Variants in OSBPL3 observed in about 807,000 individuals in gnomAD.
OSBPL3 encodes the protein oxysterol binding protein like 3.
In OSBPL3, 65 loss-of-function variants were observed where a neutral mutation model predicts 120.1. The ratio of observed to expected loss-of-function variants is 0.54; its 90% CI spans 0.44 to 0.67. OSBPL3 has a LOEUF of 0.67. OSBPL3 is among the 30% of genes least tolerant of loss of function. OSBPL3 has a pLI of 0.00. For missense variants in OSBPL3, 1,004 were observed against 1,082.1 expected (o/e 0.93, Z 1.01); for synonymous variants, 416 against 402.6 (o/e 1.03, Z -0.40).
chr7:24,896,598 T>C lies in OSBPL3; in HGVS notation c.-149-3977A>G, dbSNP rs1396395413. Among the ~76,000 whole-genome samples the C allele has an allele frequency of 6.6e-6, 1 of 152,172 alleles. No homozygotes were observed. Among genetic ancestry groups the C allele is most frequent in the Admixed American group, 6.5e-5 (1 of 15,274 alleles). Reference sequence around the variant, plus strand: ...TTTCACTTAGAAAAGATAACACAATTTGGGAAAAGATGTAAAGGTGACATC... The same window carrying C: ...TTTCACTTAGAAAAGATAACACAATCTGGGAAAAGATGTAAAGGTGACATC... On this transcript the variant is annotated intron_variant, in intron 1 of 22. Transcript: ENST00000313367. The surrounding 1 kb of genome is among the most constrained non-coding windows in gnomAD (Gnocchi z 4.4).
At chr7:24,917,617 C>T (rs1398770867) in intron 1 of OSBPL3, among the ~76,000 whole-genome samples, 1 of 151,638 alleles carries the variant, frequency 6.6e-6, no homozygotes, top group African/African-American at 2.4e-5. Context: ...TTCTTAGAAA[C>T]AGCAACTCAA....
At chr7:24,870,694 A>G in intron 5 of OSBPL3, 38 bp downstream of exon 5, 1 of 1,262,466 alleles carries the variant, frequency 7.9e-7, no homozygotes, top group Non-Finnish European at 1.2e-6. Context: ...ATACTTCCCC[A>G]ACATAAGTGA....
At chr7:24,816,555 C>T in intron 18 of OSBPL3, 55 bp downstream of exon 18, 1 of 1,289,228 alleles carries the variant, frequency 7.8e-7, no homozygotes. Flanking sequence ...GTCCCCAAAG[C>T]AAAATCTTGG....
chr7:24,886,086 A>G (rs1031921878), intron 2 of OSBPL3, among the ~76,000 whole-genome samples: 2 of 152,236 alleles, frequency 1.3e-5, no homozygotes, highest in African/African-American at 4.8e-5. Flanking sequence ...CTTTCTACTA[A>G]GCAACTGCAT....
At position 24,806,491 on chromosome 7, in the gene OSBPL3, C is replaced by CT. The variant is rs1793057724; in HGVS notation, c.2444+284dup. On this transcript the variant is annotated intron_variant, in intron 21 of 22. Transcript: ENST00000313367. The surrounding 1 kb of genome is among the most constrained non-coding windows in gnomAD (Gnocchi z 5.2). The stretch of plus-strand genomic sequence containing the variant: ...GAGGTTTTAACTTACTTACTTTACA[C>CT]TAAGTTCTTTATTACTGCATGCAGT... Among the ~76,000 whole-genome samples the CT allele has an allele frequency of 6.6e-6, 1 of 152,156 alleles. No homozygotes were observed. Among genetic ancestry groups the CT allele is most frequent in the Non-Finnish European group, 1.5e-5 (1 of 68,036 alleles).
At chr7:24,890,033 C>T (rs116407742) in intron 2 of OSBPL3, among the ~76,000 whole-genome samples, 3,256 of 152,106 alleles carry the variant, frequency 0.021, 120 homozygotes, top group African/African-American at 0.075. Context: ...TCAGGGTGAG[C>T]GCAGAGAAAG....
intron 16 of OSBPL3, among the ~76,000 whole-genome samples, chr7:24,828,606 G>GAAAAAAGAAAAAAAAAA (rs1491571662): frequency 1.5e-4 from 5 of 32,550 alleles, no homozygotes; most frequent in Non-Finnish European, 2.1e-4. Flanking sequence ...GACTCTGTCT[G>GAAAAAAGAAAAAAAAAA]AAAAAAAAAA....
intron 10 of OSBPL3, among the ~76,000 whole-genome samples, chr7:24,853,698 C>A (rs1016112012): frequency 2.0e-5 from 3 of 151,976 alleles, no homozygotes; most frequent in Non-Finnish European, 2.9e-5. Context: ...AAGTATAAAG[C>A]CATAAAGAAC....
chr7:24,955,962 T>C lies in OSBPL3; in HGVS notation c.-150+23924A>G, dbSNP rs987703131. ...TCTTGGTCCTGCTGAGGAAACCCTATGAGTTTCTCATTTGTAGCTATGAGA... is the reference window on the plus strand; with the variant it reads ...TCTTGGTCCTGCTGAGGAAACCCTACGAGTTTCTCATTTGTAGCTATGAGA... On this transcript the variant is annotated intron_variant, in intron 1 of 22. Transcript: ENST00000313367. This position sits in a 1 kb window ranked among gnomAD's most constrained non-coding sequence, Gnocchi z 4.3. Among the ~76,000 whole-genome samples, 8 of 152,250 alleles carry C rather than the reference T, an allele frequency of 5.3e-5. No individual in the cohort carries two copies. The highest frequency in any genetic ancestry group is 8.8e-5 in the Non-Finnish European group (6 of 68,044).
At position 24,881,987 on chromosome 7, in the gene OSBPL3, A is replaced by T. The variant is rs1312667115; in HGVS notation, c.97-9918T>A. Among the ~76,000 whole-genome samples the T allele has an allele frequency of 6.6e-6, 1 of 152,168 alleles. No individual in the cohort carries two copies. Among genetic ancestry groups the T allele is most frequent in the Non-Finnish European group, 1.5e-5 (1 of 68,032 alleles). ...ACATTTGTCAGTGAATTTAGGGCCCACCTGGATAATCTGAGCTGCCCTACT... is the reference window on the plus strand; with the variant it reads ...ACATTTGTCAGTGAATTTAGGGCCCTCCTGGATAATCTGAGCTGCCCTACT... On this transcript the variant is annotated intron_variant, in intron 2 of 22. Transcript: ENST00000313367. The surrounding 1 kb of genome is among the most constrained non-coding windows in gnomAD (Gnocchi z 4.3).
In OSBPL3 at chr7:24,818,847, GA is replaced by G. The variant is rs1377157335; in HGVS notation, c.1948+1327del. Among the ~76,000 whole-genome samples the G allele has an allele frequency of 1.3e-5, 2 of 152,172 alleles. No homozygotes were observed. Among genetic ancestry groups the G allele is most frequent in the African/African-American group, 2.4e-5 (1 of 41,430 alleles). ...CCATGGAAATAGGTAGATTGCTCAG[GA>G]AAAGGCTGATGGGGAAGTATGGCCT... On this transcript the variant is annotated intron_variant, in intron 17 of 22. Transcript: ENST00000313367. This position sits in a 1 kb window ranked among gnomAD's most constrained non-coding sequence, Gnocchi z 4.0.
chr7:24,816,491 T>A lies in OSBPL3; in HGVS notation c.2027+119A>T, dbSNP rs542718231. The A allele has an allele frequency of 5.7e-5, 40 of 698,710 alleles. 1 individual carries two copies. In the African/African-American group the frequency reaches 7.3e-4, roughly 13 times the overall value. The allele number at this position is 698,710 out of a possible 1,614,324, so 43.3% of individuals were successfully genotyped here. A position where few individuals can be genotyped will look rare whatever the true frequency, so the allele number is the denominator to read the frequency against. On this transcript the variant is annotated intron_variant, in intron 18 of 22. Transcript: ENST00000313367. ...CATTTAAACCTACTGTCAGACAGAT[T>A]AAAAGAAAAAATACACACTCAATGC...
Position 24,849,276 on chromosome 7 carries a change from A to G in OSBPL3, c.1159-100T>C. 4 of 806,216 alleles carry G rather than the reference A, an allele frequency of 5.0e-6. No individual in the cohort carries two copies. The highest frequency in any genetic ancestry group is 8.0e-6 in the Non-Finnish European group (4 of 497,130). The allele number at this position is 806,216 out of a possible 1,614,324, so 49.9% of individuals were successfully genotyped here. On this transcript the variant is annotated intron_variant, in intron 11 of 22. Transcript: ENST00000313367. The surrounding 1 kb of genome is among the most constrained non-coding windows in gnomAD (Gnocchi z 5.4). ...GAGCGATCTCTAAGAGCTTGATGAA[A>G]CTCTTAGTGACGTGGTCTGACAGCG...
upstream of OSBPL3, among the ~76,000 whole-genome samples, chr7:24,981,219 G>A (rs1563038271): frequency 6.6e-6 from 1 of 152,184 alleles, no homozygotes; most frequent in South Asian, 2.1e-4. The surrounding 1 kb of genome is among the most constrained non-coding windows in gnomAD (Gnocchi z 7.3). Context: ...GTCCACTTTC[G>A]AAAGTGGTTT....
chr7:24,962,139 C>A (rs1322523081), intron 1 of OSBPL3, among the ~76,000 whole-genome samples: 1 of 151,686 alleles, frequency 6.6e-6, no homozygotes, highest in Non-Finnish European at 1.5e-5. Context: ...ACCATCTCTA[C>A]TAATAATACA....
At position 24,797,658 on chromosome 7, in the gene OSBPL3, C is replaced by T. The variant is rs930547775; in HGVS notation, c.*2525G>A. On this transcript the variant is annotated 3_prime_UTR_variant, in exon 23 of 23. Transcript: ENST00000313367. This position sits in a 1 kb window ranked among gnomAD's most constrained non-coding sequence, Gnocchi z 4.8. ...TGTGACAGGAACATTACCTGAAGTGCAGGGTGGTTACCTGCACAAAGTCCC... is the reference window on the plus strand; with the variant it reads ...TGTGACAGGAACATTACCTGAAGTGTAGGGTGGTTACCTGCACAAAGTCCC... 6.6e-6 allele frequency: 1 copy of T among 151,808 alleles called. No homozygotes were observed. Among genetic ancestry groups the T allele is most frequent in the Admixed American group, 6.6e-5 (1 of 15,238 alleles). 9.4% of individuals were successfully genotyped at this position (151,808 alleles called of 1,614,324 possible). A position where few individuals can be genotyped will look rare whatever the true frequency, so the allele number is the denominator to read the frequency against.
intron 22 of OSBPL3, among the ~76,000 whole-genome samples, chr7:24,801,906 G>T (rs751136847): frequency 3.3e-5 from 5 of 152,094 alleles, no homozygotes; most frequent in African/African-American, 1.2e-4. Context: ...TACTTAATAG[G>T]TACCCCACTG....
rs1345148272 is a variant in OSBPL3 at position 24,821,194 on chromosome 7, C to T, written c.1885-956G>A. 1.3e-5 allele frequency among the ~76,000 whole-genome samples: 2 copies of T among 152,228 alleles called. No individual in the cohort carries two copies. The highest frequency in any genetic ancestry group is 2.9e-5 in the Non-Finnish European group (2 of 68,044). The stretch of plus-strand genomic sequence containing the variant: ...GGTGTCTTACATTGAGAGTATCTAG[C>T]TCAAAGCCTGCACCTTATAAACGAA... On this transcript the variant is annotated intron_variant, in intron 16 of 22. Transcript: ENST00000313367. The surrounding 1 kb of genome is among the most constrained non-coding windows in gnomAD (Gnocchi z 5.5).
chr7:24,816,380 A>G (rs939759441), intron 18 of OSBPL3, among the ~76,000 whole-genome samples: 2 of 152,228 alleles, frequency 1.3e-5, no homozygotes, highest in Non-Finnish European at 2.9e-5. Context: ...TTTAATAAGC[A>G]TCTATTCAGG....
Sources: gnomAD v4.1 joint callset for allele counts (sites outside exome capture counted in the v4.1 genomes callset) on GRCh38, gnomAD v4.1.1 for gene constraint, Gnocchi (gnomAD v3.1) non-coding constraint, MANE v1.5 for transcripts, NCBI Gene and HGNC (gene_info 2026-07-23, HGNC 2026-07-21) for gene names.